Variants in DSCAML1 observed in about 807,000 individuals in gnomAD.
The protein encoded by DSCAML1 is DS cell adhesion molecule like 1.
In DSCAML1, 38 loss-of-function variants were observed where a neutral mutation model predicts 200.5. The ratio of observed to expected loss-of-function variants is 0.19; its 90% CI spans 0.15 to 0.25. The LOEUF (loss-of-function observed/expected upper bound fraction) is 0.25. Among genes scored for constraint, DSCAML1 ranks in the 10% least tolerant of loss-of-function variants. The pLI, the probability that DSCAML1 is intolerant of heterozygous loss-of-function variation, is 1.00. For missense variants in DSCAML1, 2,223 were observed against 2,858.8 expected, an observed-to-expected ratio of 0.78 and a Z score of 5.07; for synonymous variants, 1,215 against 1,165.0, an observed-to-expected ratio of 1.04 and a Z score of -0.87.
intron 3 of DSCAML1, among the ~76,000 whole-genome samples, chr11:117,558,648 AAAG>A (rs147214238): frequency 0.013 from 2,015 of 152,326 alleles, 35 homozygotes; most frequent in African/African-American, 0.045. Flanking sequence ...ACACTGGATT[AAAG>A]AAGGAAGAGG....
chr11:117,465,036 C>T lies in DSCAML1; in HGVS notation c.3171G>A (p.Lys1057=). The T allele has an allele frequency of 6.2e-7, 1 of 1,614,162 alleles. No individual in the cohort carries two copies. The highest frequency in any genetic ancestry group is 2.2e-5 in the East Asian group (1 of 44,874). ...DSEVYTLDNL[K]KFAQYGVVVQ... The stretch of plus-strand genomic sequence containing the variant: ...CCACCACCCCATACTGGGCGAACTT[C>T]TTGAGGTTGTCCAGGGTGTAGACCT... The change falls in exon 17 of 33, where the codon AAG becomes AAA. Residue 1057 remains lysine, a synonymous_variant. Transcript: ENST00000651296.
At chr11:117,521,469 C>T (rs1005448152) in intron 5 of DSCAML1, 64 bp from the exon 6 acceptor site, 16 of 1,544,466 alleles carry the variant, frequency 1.0e-5, no homozygotes, top group Non-Finnish European at 1.2e-5. Context: ...AAAGGGCTTA[C>T]TGTGAGTGGA....
chr11:117,713,580 AGC>A (rs1259300260), intron 3 of DSCAML1, among the ~76,000 whole-genome samples: 4 of 152,316 alleles, frequency 2.6e-5, no homozygotes, highest in Admixed American at 2.0e-4. Context: ...CCCCTCCCAG[AGC>A]CATTTGAGCT....
intron 3 of DSCAML1, among the ~76,000 whole-genome samples, chr11:117,711,426 C>T (rs2053847326): frequency 6.6e-6 from 1 of 152,226 alleles, no homozygotes; most frequent in African/African-American, 2.4e-5. Flanking sequence ...GATAAACTAA[C>T]TCAGGGGTCC....
rs397767566 is a variant in DSCAML1, at chr11:117,532,131, C to CAAA, written c.658+242_658+244dup. 1.8e-3 allele frequency among the ~76,000 whole-genome samples: 252 copies of CAAA among 139,326 alleles called. 1 individual carries two copies. Among genetic ancestry groups the CAAA allele is most frequent in the African/African-American group, 5.1e-3 (191 of 37,442 alleles). The allele number at this position is 139,326 out of a possible 152,430, so 91.4% of individuals were successfully genotyped here. ...TCTATCAGCTTCCTGACAGGAAAGA[C>CAAA]AAAAAAAAAAGGAAAAAAAAGGGAA... is the stretch of plus-strand genomic sequence containing the variant. On this transcript the variant is annotated intron_variant, in intron 4 of 32. Coordinates refer to ENST00000651296, the MANE Select transcript of DSCAML1 (RefSeq NM_020693.4).
rs1038644761 is a variant in DSCAML1, at chr11:117,503,345, G to A, written c.2359+500C>T. Among the ~76,000 whole-genome samples the A allele has an allele frequency of 3.9e-5, 6 of 152,186 alleles. No homozygotes were observed. The highest frequency in any genetic ancestry group is 1.4e-4 in the African/African-American group (6 of 41,438). The stretch of plus-strand genomic sequence containing the variant: ...GTACAGGTGAGGAAACTGGAGCACA[G>A]GGAGGGGGAGTGACTCGCCCAAGGT... On this transcript the variant is annotated intron_variant, in intron 11 of 32. Transcript: ENST00000651296. This position sits in a 1 kb window ranked among gnomAD's most constrained non-coding sequence, Gnocchi z 5.2.
intron 3 of DSCAML1, among the ~76,000 whole-genome samples, chr11:117,623,337 C>A (rs530578903): frequency 5.9e-5 from 9 of 151,708 alleles, no homozygotes; most frequent in African/African-American, 1.9e-4. Flanking sequence ...CTGTCTCAGC[C>A]TCCTGAGTAG....
intron 1 of DSCAML1, among the ~76,000 whole-genome samples, chr11:117,783,438 A>T (rs2055297446): frequency 6.6e-6 from 1 of 152,186 alleles, no homozygotes; most frequent in Non-Finnish European, 1.5e-5. Flanking sequence ...CTCTGTAATG[A>T]TAATAGTAAT....
chr11:117,721,464 G>C (rs1489863370), intron 3 of DSCAML1, among the ~76,000 whole-genome samples: 1 of 152,094 alleles, frequency 6.6e-6, no homozygotes, highest in Non-Finnish European at 1.5e-5. Context: ...ATATTAGTTA[G>C]TTATTACAGT....
intron 3 of DSCAML1, among the ~76,000 whole-genome samples, chr11:117,559,365 A>G (rs2050619865): frequency 6.6e-6 from 1 of 152,140 alleles, no homozygotes; most frequent in African/African-American, 2.4e-5. Flanking sequence ...GAGTTTTTAG[A>G]CAAAGCCTCA....
chr11:117,460,404 A>T (rs1422188582), intron 18 of DSCAML1, among the ~76,000 whole-genome samples: 1 of 152,108 alleles, frequency 6.6e-6, no homozygotes, highest in African/African-American at 2.4e-5. Flanking sequence ...AGCGCTGGAC[A>T]AATGACTGTG....
At chr11:117,468,152 TAAC>T (rs1358697451) in intron 16 of DSCAML1, among the ~76,000 whole-genome samples, 2 of 152,174 alleles carry the variant, frequency 1.3e-5, no homozygotes, top group African/African-American at 4.8e-5. Flanking sequence ...AAATCAATCT[TAAC>T]AATATTTCTC....
At chr11:117,706,118 G>A (rs1461272230) in intron 3 of DSCAML1, among the ~76,000 whole-genome samples, 1 of 152,108 alleles carries the variant, frequency 6.6e-6, no homozygotes, top group Non-Finnish European at 1.5e-5. Flanking sequence ...ATTCACCACT[G>A]AGCAGCTCAT....
chr11:117,710,731 G>A (rs147089811), intron 3 of DSCAML1, among the ~76,000 whole-genome samples: 2 of 152,306 alleles, frequency 1.3e-5, no homozygotes, highest in Admixed American at 6.5e-5. Context: ...AATGAGCAAA[G>A]CTTGATGAAT....
At chr11:117,802,411 C>T (rs529733165) in intron 1 of DSCAML1, among the ~76,000 whole-genome samples, 28 of 152,296 alleles carry the variant, frequency 1.8e-4, no homozygotes, top group Non-Finnish European at 3.8e-4. Context: ...CCGACCCTTT[C>T]GATTTGTACC....
chr11:117,539,606 CAAAAAA>C (rs35130897), intron 3 of DSCAML1, among the ~76,000 whole-genome samples: 28 of 52,604 alleles, frequency 5.3e-4, no homozygotes, highest in African/African-American at 9.7e-4. Flanking sequence ...AAAACTCTGT[CAAAAAA>C]AAAAAAAAAA....
intron 19 of DSCAML1, among the ~76,000 whole-genome samples, chr11:117,456,835 C>T (rs988151779): frequency 5.9e-5 from 9 of 152,132 alleles, no homozygotes; most frequent in East Asian, 3.9e-4. Context: ...CCACCACATC[C>T]GGCTAATTTT....
intron 3 of DSCAML1, among the ~76,000 whole-genome samples, chr11:117,728,995 G>A (rs934276495): frequency 1.3e-5 from 2 of 152,128 alleles, no homozygotes; most frequent in Admixed American, 1.3e-4. Context: ...AAAACTGGAG[G>A]ATTTACATTT....
chr11:117,740,664 C>T (rs1049559444), intron 3 of DSCAML1, among the ~76,000 whole-genome samples: 3 of 152,248 alleles, frequency 2.0e-5, no homozygotes, highest in East Asian at 1.9e-4. Flanking sequence ...CCTGCCACAC[C>T]GTTGACTCCA....
Sources: gnomAD v4.1 joint callset for allele counts (sites outside exome capture counted in the v4.1 genomes callset) on GRCh38, gnomAD v4.1.1 for gene constraint, Gnocchi (gnomAD v3.1) non-coding constraint, MANE v1.5 for transcripts, NCBI Gene and HGNC (gene_info 2026-07-23, HGNC 2026-07-21) for gene names.